The following TCERG1L variants were observed in gnomAD, a reference collection of about 807,000 sequenced individuals.
TCERG1L encodes the protein transcription elongation regulator 1 like, also known as transcription elongation regulator 1-like protein.
Under a neutral mutation model 56.3 loss-of-function variants are expected in TCERG1L, and 37 were observed. That is an observed-to-expected ratio of 0.66 (90% CI 0.51 to 0.87). The LOEUF (loss-of-function observed/expected upper bound fraction) is 0.87, where lower values mean the gene tolerates loss of function less well. Ranked by LOEUF, TCERG1L falls within the 40% of genes least tolerant of loss-of-function variation. TCERG1L has a pLI of 0.00. For synonymous variants in TCERG1L, 324 were observed against 326.3 expected (o/e 0.99, Z 0.08); for missense variants, 799 against 774.2 (o/e 1.03, Z -0.38).
intron 7 of TCERG1L, among the ~76,000 whole-genome samples, chr10:131,145,131 G>T (rs1845782278): frequency 6.6e-6 from 1 of 152,248 alleles, no homozygotes; most frequent in African/African-American, 2.4e-5. Flanking sequence ...CTGCCAGCAT[G>T]ATCTGCCTTT....
chr10:131,164,789 T>C (rs966173281), intron 5 of TCERG1L, among the ~76,000 whole-genome samples: 7 of 152,196 alleles, frequency 4.6e-5, no homozygotes, highest in African/African-American at 1.7e-4. Flanking sequence ...GTTGGTACTT[T>C]AGGAGGCAGT....
intron 4 of TCERG1L, among the ~76,000 whole-genome samples, chr10:131,171,202 A>G (rs1324208896): frequency 1.3e-5 from 2 of 151,238 alleles, no homozygotes; most frequent in African/African-American, 2.4e-5. Flanking sequence ...AAAGAAAAAA[A>G]GAAAGAAAAG....
intron 6 of TCERG1L, among the ~76,000 whole-genome samples, chr10:131,151,422 C>T (rs761069847): frequency 2.0e-5 from 3 of 152,094 alleles, no homozygotes; most frequent in Non-Finnish European, 4.4e-5. Context: ...AAATCCAATA[C>T]GGCAGTCATT....
intron 7 of TCERG1L, among the ~76,000 whole-genome samples, chr10:131,138,079 G>T (rs1450140878): frequency 6.6e-6 from 1 of 152,164 alleles, no homozygotes; most frequent in East Asian, 1.9e-4. Flanking sequence ...GACCAGCCTG[G>T]CCAACATGGT....
At chr10:131,190,727 A>G (rs987896982) in intron 4 of TCERG1L, among the ~76,000 whole-genome samples, 1 of 144,118 alleles carries the variant, frequency 6.9e-6, no homozygotes, top group South Asian at 2.1e-4. Context: ...TCAAAATAAT[A>G]AAAGCCATAT....
At chr10:131,280,099 G>C (rs1846435164) in intron 3 of TCERG1L, among the ~76,000 whole-genome samples, 1 of 152,214 alleles carries the variant, frequency 6.6e-6, no homozygotes, top group Non-Finnish European at 1.5e-5. Flanking sequence ...ATGTGCCCAG[G>C]GTGGTCAGAG....
chr10:131,102,646 C>T (rs1845315070), intron 10 of TCERG1L, among the ~76,000 whole-genome samples: 1 of 152,184 alleles, frequency 6.6e-6, no homozygotes, highest in Non-Finnish European at 1.5e-5. Flanking sequence ...CTTCTGTTTT[C>T]AGCGGCTCTT....
At chr10:131,098,856 C>T (rs898674155) in intron 10 of TCERG1L, among the ~76,000 whole-genome samples, 7 of 152,252 alleles carry the variant, frequency 4.6e-5, no homozygotes, top group African/African-American at 1.4e-4. Context: ...CACCAGAACA[C>T]AGCAGAGCAC....
chr10:131,153,846 G>A (rs7074409), intron 6 of TCERG1L, among the ~76,000 whole-genome samples: 30,687 of 152,004 alleles, frequency 0.2, 3,460 homozygotes, highest in East Asian at 0.35. Context: ...CAACTAACAC[G>A]CCACCCATTT....
rs745519771 is a variant in TCERG1L, at chr10:131,093,274, C to A, written c.1649G>T (p.Arg550Met). Reference sequence around the variant, plus strand: ...CTTTCTTTTTTGAACAAGTCGGAACCTCTGATCCCGGCCGTATTTCTCTGC... The same window carrying A: ...CTTTCTTTTTTGAACAAGTCGGAACATCTGATCCCGGCCGTATTTCTCTGC... ...EFAEKYGRDQRFRLVQKRKDQ... is the reference protein window; with the variant it reads ...EFAEKYGRDQMFRLVQKRKDQ... The change falls in exon 12 of 12, where the codon AGG (arginine) becomes ATG (methionine). Residue 550 changes from arginine (R) to methionine (M), a missense_variant. Physicochemically the swap from Arg to Met is moderately conservative, Grantham distance 91. Coordinates refer to ENST00000368642, the MANE Select transcript of TCERG1L (RefSeq NM_174937.4). 1 of 1,613,952 alleles carries A rather than the reference C, an allele frequency of 6.2e-7. No individual in the cohort carries two copies. Among genetic ancestry groups the A allele is most frequent in the East Asian group, 2.2e-5 (1 of 44,870 alleles).
intron 5 of TCERG1L, among the ~76,000 whole-genome samples, chr10:131,166,283 G>A (rs899732476): frequency 6.6e-6 from 1 of 152,248 alleles, no homozygotes; most frequent in African/African-American, 2.4e-5. Flanking sequence ...AGCAAATTAA[G>A]CGTGATTTGT....
At chr10:131,145,303 C>T (rs1262215004) in intron 7 of TCERG1L, among the ~76,000 whole-genome samples, 3 of 152,288 alleles carry the variant, frequency 2.0e-5, no homozygotes, top group African/African-American at 7.2e-5. Flanking sequence ...TCTTTCAAGA[C>T]GTACAAGGCC....
At chr10:131,122,769 G>A (rs1373462984) in intron 8 of TCERG1L, among the ~76,000 whole-genome samples, 1 of 152,232 alleles carries the variant, frequency 6.6e-6, no homozygotes, top group East Asian at 1.9e-4. Context: ...ACAGATGTGA[G>A]GGTAGACTGG....
intron 8 of TCERG1L, among the ~76,000 whole-genome samples, chr10:131,134,112 A>C (rs1845649042): frequency 6.6e-6 from 1 of 152,106 alleles, no homozygotes; most frequent in South Asian, 2.1e-4. Context: ...CTGGAAACAC[A>C]GCAGGGCTGA....
chr10:131,220,197 C>T (rs74801035), intron 4 of TCERG1L, among the ~76,000 whole-genome samples: 10,776 of 152,240 alleles, frequency 0.071, 624 homozygotes, highest in African/African-American at 0.16. Context: ...CCCAACATCC[C>T]CTGGCTCTCG....
chr10:131,302,378 T>C (rs1258812116), intron 3 of TCERG1L, among the ~76,000 whole-genome samples: 1 of 151,908 alleles, frequency 6.6e-6, no homozygotes, highest in Non-Finnish European at 1.5e-5. Flanking sequence ...TTTTTCTTTT[T>C]CTCATCAGAT....
At chr10:131,123,510 G>C (rs1430216468) in intron 8 of TCERG1L, among the ~76,000 whole-genome samples, 1 of 152,134 alleles carries the variant, frequency 6.6e-6, no homozygotes, top group Admixed American at 6.5e-5. Flanking sequence ...CAAGGAGGCA[G>C]TGAGGGGAGG....
chr10:131,178,104 G>T (rs1845127745), intron 4 of TCERG1L, among the ~76,000 whole-genome samples: 1 of 152,080 alleles, frequency 6.6e-6, no homozygotes, highest in Admixed American at 6.6e-5. Context: ...GTCAGCCAAG[G>T]TCCCACCTGT....
chr10:131,284,919 A>G (rs1846503644), intron 3 of TCERG1L, among the ~76,000 whole-genome samples: 1 of 152,184 alleles, frequency 6.6e-6, no homozygotes, highest in Admixed American at 6.5e-5. Context: ...AGGAAAGATG[A>G]GGTTCTTATA....
Sources: allele counts gnomAD v4.1 joint callset (sites outside exome capture counted in the v4.1 genomes callset), GRCh38; gene constraint gnomAD v4.1.1; transcripts MANE v1.5; gene names NCBI Gene and HGNC (gene_info 2026-07-23, HGNC 2026-07-21).